Variants in RBFOX1 observed in about 807,000 individuals in gnomAD.
RBFOX1 encodes RNA binding fox-1 homolog 1.
A neutral mutation model predicts 57.7 loss-of-function variants in RBFOX1; 8 were observed. That is an observed-to-expected ratio of 0.14 (90% CI 0.08 to 0.25). The LOEUF is 0.25. Ranked by LOEUF, RBFOX1 falls within the 10% of genes least tolerant of loss-of-function variation. The probability of loss-of-function intolerance (pLI) is 1.00; values close to 1 mark genes in which losing one functional copy is unlikely to be tolerated. For missense variants in RBFOX1, 611 were observed against 548.5 expected (o/e 1.11, Z -1.14); for synonymous variants, 326 against 222.4 (o/e 1.47, Z -4.15).
intron 1 of RBFOX1, among the ~76,000 whole-genome samples, chr16:5,376,413 C>T (rs2065984999): frequency 6.6e-6 from 1 of 152,010 alleles, no homozygotes; most frequent in Non-Finnish European, 1.5e-5. Flanking sequence ...TTGTGTTTCT[C>T]AGAGAAAGGT....
At chr16:6,891,832 T>C (rs1489344146) in intron 3 of RBFOX1, among the ~76,000 whole-genome samples, 1 of 152,202 alleles carries the variant, frequency 6.6e-6, no homozygotes, top group Non-Finnish European at 1.5e-5. Flanking sequence ...AGGGTTGGCA[T>C]ATGATACCAT....
chr16:6,592,051 C>T (rs973345167), intron 2 of RBFOX1, among the ~76,000 whole-genome samples: 1 of 152,118 alleles, frequency 6.6e-6, no homozygotes, highest in Non-Finnish European at 1.5e-5. Flanking sequence ...TTTCAGACTT[C>T]CATGTGTGTG....
At chr16:7,011,777 G>A (rs1275586059) in intron 3 of RBFOX1, among the ~76,000 whole-genome samples, 1 of 152,200 alleles carries the variant, frequency 6.6e-6, no homozygotes, top group Non-Finnish European at 1.5e-5. Context: ...GCCTTCCAAA[G>A]TGCTGGGATT....
At chr16:6,568,627 C>G (rs2097300835) in intron 2 of RBFOX1, among the ~76,000 whole-genome samples, 1 of 152,138 alleles carries the variant, frequency 6.6e-6, no homozygotes, top group Admixed American at 6.6e-5. Context: ...GGGGTTCATT[C>G]TCATGTATCT....
rs1015238965 is a variant in RBFOX1, at chr16:5,598,818, C to G, written c.259-84C>G. On this transcript the variant is annotated intron_variant, in intron 2 of 2. Transcript: ENST00000585867. ...ACGTGGTGAGACATTCTGGGTTGTGCTAAACTGGGTTACTCAAGGTTAGAA... is the reference window on the plus strand; with the variant it reads ...ACGTGGTGAGACATTCTGGGTTGTGGTAAACTGGGTTACTCAAGGTTAGAA... The G allele has an allele frequency of 1.0e-5, 11 of 1,064,990 alleles. 1 individual carries two copies. The Admixed American group carries it at 3.0e-4, about 29-fold the overall frequency. 66.0% of individuals were successfully genotyped at this position (1,064,990 alleles called of 1,614,324 possible). A position where few individuals can be genotyped will look rare whatever the true frequency, so the allele number is the denominator to read the frequency against.
At chr16:7,029,486 A>G (rs2042242042) in intron 3 of RBFOX1, among the ~76,000 whole-genome samples, 1 of 151,832 alleles carries the variant, frequency 6.6e-6, no homozygotes, top group African/African-American at 2.4e-5. Flanking sequence ...TTTAGGTGAC[A>G]AAGTCAGTGT....
At chr16:6,961,287 G>C (rs1386444869) in intron 3 of RBFOX1, among the ~76,000 whole-genome samples, 1 of 152,246 alleles carries the variant, frequency 6.6e-6, no homozygotes, top group Non-Finnish European at 1.5e-5. Context: ...GAGGAGAGGA[G>C]AGCTAAGCAA....
intron 1 of RBFOX1, among the ~76,000 whole-genome samples, chr16:6,089,318 A>G (rs979658838): frequency 6.6e-6 from 1 of 152,156 alleles, no homozygotes; most frequent in African/African-American, 2.4e-5. Context: ...GGATAGATGA[A>G]CATGCATTAG....
At chr16:7,519,821 A>G (rs147190139) in intron 5 of RBFOX1, 1 of 716,118 alleles carries the variant, frequency 1.4e-6, no homozygotes, top group South Asian at 6.3e-5. Context: ...AAAAGAAAAC[A>G]CTGACTAACT....
chr16:7,034,853 T>TTC (rs1555794123), intron 3 of RBFOX1, among the ~76,000 whole-genome samples: 1 of 65,246 alleles, frequency 1.5e-5, no homozygotes, highest in African/African-American at 7.4e-5. Context: ...TTTTTCTTTT[T>TTC]TTTTTTTTTT....
intron 1 of RBFOX1, among the ~76,000 whole-genome samples, chr16:5,331,439 A>G (rs1350562567): frequency 6.6e-6 from 1 of 152,250 alleles, no homozygotes; most frequent in African/African-American, 2.4e-5. Context: ...AGGTGGAGGC[A>G]GAAGGATTTA....
At chr16:5,937,174 G>C (rs2059184007) in intron 4 of RBFOX1, among the ~76,000 whole-genome samples, 1 of 152,152 alleles carries the variant, frequency 6.6e-6, no homozygotes, top group African/African-American at 2.4e-5. Context: ...TCTTGGAATT[G>C]TGTTCTCTGG....
rs111403896 is a variant in RBFOX1 at position 5,822,578 on chromosome 16, T to G, written c.319-44725T>G. 5.4e-3 allele frequency among the ~76,000 whole-genome samples: 823 copies of G among 152,304 alleles called. 7 individuals are homozygous for G. Among genetic ancestry groups the G allele is most frequent in the African/African-American group, 0.019 (776 of 41,552 alleles). ...AAATAGTATATTGTGCACTTAAAAT[T>G]TTCCAACCACAAAGAAATGGTGGGC... On this transcript the variant is annotated intron_variant, in intron 3 of 19. Transcript: ENST00000641259.
intron 2 of RBFOX1, among the ~76,000 whole-genome samples, chr16:6,585,743 G>A (rs1462033709): frequency 6.6e-6 from 1 of 151,960 alleles, no homozygotes. Context: ...AAAAACAGGT[G>A]TACCTTTGCT....
chr16:7,372,396 G>C (rs1041440753), intron 4 of RBFOX1, among the ~76,000 whole-genome samples: 4 of 152,158 alleles, frequency 2.6e-5, no homozygotes, highest in Non-Finnish European at 4.4e-5. Flanking sequence ...CTTGGTAATA[G>C]GATTTTGCTT....
intron 4 of RBFOX1, among the ~76,000 whole-genome samples, chr16:7,481,347 G>A (rs2063891772): frequency 6.6e-6 from 1 of 152,202 alleles, no homozygotes; most frequent in African/African-American, 2.4e-5. Flanking sequence ...AGATATTGCT[G>A]TAGAATGTAT....
intron 4 of RBFOX1, among the ~76,000 whole-genome samples, chr16:7,370,492 C>G (rs1388085966): frequency 2.0e-5 from 3 of 152,148 alleles, no homozygotes; most frequent in African/African-American, 7.2e-5. Context: ...CGGGTAAGTT[C>G]TGTCTCCCTC....
chr16:6,738,321 A>C (rs1442783635), intron 3 of RBFOX1, among the ~76,000 whole-genome samples: 1 of 152,066 alleles, frequency 6.6e-6, no homozygotes, highest in Non-Finnish European at 1.5e-5. Context: ...AACTGAGATG[A>C]AGCCTGGAGT....
chr16:5,477,847 T>C (rs2069385591), intron 2 of RBFOX1, among the ~76,000 whole-genome samples: 2 of 152,154 alleles, frequency 1.3e-5, no homozygotes, highest in African/African-American at 4.8e-5. Flanking sequence ...TCAGACACTA[T>C]TGTTCTTCCC....
Sources: gnomAD v4.1 joint callset for allele counts (sites outside exome capture counted in the v4.1 genomes callset) on GRCh38, gnomAD v4.1.1 for gene constraint, MANE v1.5 for transcripts, NCBI Gene and HGNC (gene_info 2026-07-23, HGNC 2026-07-21) for gene names.